The following IL15 variants were observed in gnomAD, a reference collection of about 807,000 sequenced individuals.
IL15 encodes interleukin-15.
IL15 carries 11 observed loss-of-function variants against 19.6 expected under a neutral mutation model. That is an observed-to-expected ratio of 0.56 (90% CI 0.35 to 0.93). The LOEUF (loss-of-function observed/expected upper bound fraction) is 0.93. Among genes scored for constraint, IL15 ranks in the 40% least tolerant of loss-of-function variants. IL15 has a pLI of 0.01. For synonymous variants in IL15, 58 were observed against 59.6 expected (o/e 0.97, Z 0.12); for missense variants, 197 against 186.5 (o/e 1.06, Z -0.33).
In IL15 at chr4:141,693,039, A is replaced by AAAAAAAAAAAAAAAAAAAAAAT. The variant is rs1197909206; in HGVS notation, c.-99-26324_-99-26323insAAAAAAAAAAAAAAAAAATAAA. Among the ~76,000 whole-genome samples the AAAAAAAAAAAAAAAAAAAAAAT allele has an allele frequency of 1.3e-5, 2 of 148,820 alleles. 1 individual carries two copies. The highest frequency in any genetic ancestry group is 3.0e-5 in the Non-Finnish European group (2 of 67,432). On this transcript the variant is annotated intron_variant, in intron 2 of 7. Transcript: ENST00000320650. ...CTCAAAAAAAAAAAAAAAAAAAAAAAAAAGATACTACCTGTGGCTGGGTAG... is the reference window on the plus strand; with the variant it reads ...CTCAAAAAAAAAAAAAAAAAAAAAAAAAAAAAAAAAAAAAAAAAAAATAAAGATACTACCTGTGGCTGGGTAG...
intron 2 of IL15, among the ~76,000 whole-genome samples, chr4:141,667,767 G>T (rs1174733366): frequency 6.6e-6 from 1 of 152,016 alleles, no homozygotes; most frequent in Non-Finnish European, 1.5e-5. Flanking sequence ...GTAATGCGGG[G>T]TGTATTTATT....
At chr4:141,731,332 C>A (rs1466698437) in intron 7 of IL15, among the ~76,000 whole-genome samples, 1 of 152,140 alleles carries the variant, frequency 6.6e-6, no homozygotes, top group Non-Finnish European at 1.5e-5. Context: ...AGAATGTCAG[C>A]TTAAAATGGA....
At chr4:141,667,272 A>T (rs1178610836) in intron 2 of IL15, among the ~76,000 whole-genome samples, 1 of 152,166 alleles carries the variant, frequency 6.6e-6, no homozygotes, top group Non-Finnish European at 1.5e-5. Flanking sequence ...GGGCTGTGGG[A>T]ACTCTGATTT....
chr4:141,643,207 C>A (rs1012366929), intron 1 of IL15, among the ~76,000 whole-genome samples: 2 of 152,074 alleles, frequency 1.3e-5, no homozygotes, highest in African/African-American at 4.8e-5. Context: ...TTCTCTCCAT[C>A]ACCATTTTTT....
intron 2 of IL15, among the ~76,000 whole-genome samples, chr4:141,659,008 T>C (rs2152160502): frequency 6.6e-6 from 1 of 151,898 alleles, no homozygotes; most frequent in East Asian, 1.9e-4. Context: ...TACAGGCGCC[T>C]GCCACCGCGC....
intron 6 of IL15, 37 bp downstream of exon 6, chr4:141,728,021 G>C (rs1428151488): frequency 3.1e-6 from 3 of 965,902 alleles, no homozygotes; most frequent in Non-Finnish European, 4.8e-6. Flanking sequence ...TATTTGTCTT[G>C]TTATTAAAGT....
At chr4:141,664,514 C>T (rs1297599257) in intron 2 of IL15, among the ~76,000 whole-genome samples, 1 of 151,940 alleles carries the variant, frequency 6.6e-6, no homozygotes, top group Non-Finnish European at 1.5e-5. Context: ...GAAACTGGGG[C>T]GTGTGGGGAA....
intron 2 of IL15, among the ~76,000 whole-genome samples, chr4:141,696,542 ATTC>A (rs1257460431): frequency 8.5e-5 from 13 of 152,092 alleles, no homozygotes; most frequent in Admixed American, 8.5e-4. Context: ...AACAATATGA[ATTC>A]TTCTACTTCA....
intron 1 of IL15, among the ~76,000 whole-genome samples, chr4:141,644,120 T>A (rs960625027): frequency 2.0e-5 from 3 of 151,962 alleles, no homozygotes; most frequent in African/African-American, 4.8e-5. Flanking sequence ...TCACCCTTTT[T>A]TTCAGTGCTG....
At chr4:141,729,818 T>C (rs1402964665) in intron 6 of IL15, 29 bp from the exon 7 acceptor site, 3 of 1,296,572 alleles carry the variant, frequency 2.3e-6, no homozygotes, top group Admixed American at 1.9e-5. Flanking sequence ...CAGAAAAAAG[T>C]AATTGTTCTT....
rs536187312 is a variant in IL15 at position 141,660,625 on chromosome 4, T to C, written c.-100+4318T>C. 5.9e-5 allele frequency among the ~76,000 whole-genome samples: 9 copies of C among 152,326 alleles called. No individual in the cohort carries two copies. The South Asian group carries it at 1.9e-3, about 32-fold the overall frequency. On this transcript the variant is annotated intron_variant, in intron 2 of 7. Transcript: ENST00000320650. ...TATAAAAAAGATTGAAAAGTTGCGT[T>C]CTGGTTTTGCTTGTTTACCAGGAAA...
At chr4:141,638,095 GA>G (rs993919008) in intron 1 of IL15, among the ~76,000 whole-genome samples, 1 of 152,044 alleles carries the variant, frequency 6.6e-6, no homozygotes, top group Non-Finnish European at 1.5e-5. Context: ...GAATAAAAAA[GA>G]TATAATACAG....
intron 2 of IL15, among the ~76,000 whole-genome samples, chr4:141,684,839 C>T (rs1306250637): frequency 6.6e-6 from 1 of 152,098 alleles, no homozygotes; most frequent in Non-Finnish European, 1.5e-5. Flanking sequence ...CTGTCCTCAC[C>T]TAAACATGAA....
chr4:141,678,001 T>C (rs1728403856), intron 2 of IL15, among the ~76,000 whole-genome samples: 1 of 152,208 alleles, frequency 6.6e-6, no homozygotes, highest in Non-Finnish European at 1.5e-5. Context: ...TTTGTCTCTA[T>C]ACCACATTCA....
intron 2 of IL15, among the ~76,000 whole-genome samples, chr4:141,683,087 G>A (rs568128619): frequency 3.3e-5 from 5 of 151,502 alleles, no homozygotes; most frequent in Non-Finnish European, 7.4e-5. Context: ...TAGCCAACAT[G>A]GTGAAACCCC....
At chr4:141,653,504 TG>T (rs1205095784) in intron 1 of IL15, among the ~76,000 whole-genome samples, 7 of 152,184 alleles carry the variant, frequency 4.6e-5, no homozygotes, top group African/African-American at 1.7e-4. Context: ...TCCTTGCAAA[TG>T]TTTTGTGCAG....
At chr4:141,665,275 C>T (rs939967444) in intron 2 of IL15, among the ~76,000 whole-genome samples, 4 of 151,968 alleles carry the variant, frequency 2.6e-5, no homozygotes, top group Non-Finnish European at 5.9e-5. Context: ...AAATGCTAAA[C>T]GTTTAATAAG....
chr4:141,653,089 G>T (rs1372409820), intron 1 of IL15, among the ~76,000 whole-genome samples: 1 of 152,002 alleles, frequency 6.6e-6, no homozygotes, highest in Non-Finnish European at 1.5e-5. Context: ...TAAATTACAG[G>T]ATACATTTTA....
chr4:141,671,549 G>GCTCATTCGATATCTC (rs1224626790), intron 2 of IL15, among the ~76,000 whole-genome samples: 17 of 151,952 alleles, frequency 1.1e-4, no homozygotes, highest in Admixed American at 6.6e-5. Context: ...TCTTGTTTGG[G>GCTCATTCGATATCTC]CTCATTCGAT....
Sources: allele counts gnomAD v4.1 joint callset (sites outside exome capture counted in the v4.1 genomes callset), GRCh38; gene constraint gnomAD v4.1.1; transcripts MANE v1.5; gene names NCBI Gene and HGNC (gene_info 2026-07-23, HGNC 2026-07-21).